The following STPG1 variants were observed in gnomAD, a reference collection of about 807,000 sequenced individuals.
STPG1 encodes sperm tail PG-rich repeat containing 1.
STPG1 carries 33 observed loss-of-function variants against 40.1 expected under a neutral mutation model. The observed-to-expected ratio is 0.82, with a 90% CI of 0.62 to 1.10. The LOEUF (loss-of-function observed/expected upper bound fraction) is 1.10. STPG1 is among the 50% of genes least tolerant of loss of function. The pLI is 0.00. For missense variants in STPG1, 396 were observed against 415.1 expected (o/e 0.95, Z 0.40); for synonymous variants, 150 against 155.0 (o/e 0.97, Z 0.24).
At chr1:24,382,994 C>T (rs888797516) in intron 4 of STPG1, among the ~76,000 whole-genome samples, 2 of 150,342 alleles carry the variant, frequency 1.3e-5, no homozygotes, top group African/African-American at 2.5e-5. Flanking sequence ...TCACTGCAGC[C>T]TCAACCTCCT....
intron 2 of STPG1, among the ~76,000 whole-genome samples, chr1:24,393,387 T>C (rs1642861546): frequency 6.6e-6 from 1 of 152,228 alleles, no homozygotes; most frequent in African/African-American, 2.4e-5. Flanking sequence ...TGTTTTTGGT[T>C]TGTTTGCTTT....
At chr1:24,402,972 ATTTTC>A (rs1643283959) in intron 1 of STPG1, among the ~76,000 whole-genome samples, 1 of 152,036 alleles carries the variant, frequency 6.6e-6, no homozygotes, top group South Asian at 2.1e-4. Context: ...ATTTGTCAAA[ATTTTC>A]TTTTAAGGTT....
Position 24,413,716 on chromosome 1 carries a change from C to T in STPG1, c.-111G>A, listed in dbSNP as rs1035981187. On this transcript the variant is annotated 5_prime_UTR_variant, in exon 1 of 9. Transcript: ENST00000337248. Reference sequence around the variant, plus strand: ...GCTGAATCTGGCCAGCCCAACCTCCCGGTCGCTATGGCACCCACAGGCCTA... The same window carrying T: ...GCTGAATCTGGCCAGCCCAACCTCCTGGTCGCTATGGCACCCACAGGCCTA... 26 of 152,302 alleles carry T rather than the reference C, an allele frequency of 1.7e-4. No homozygotes were observed. Among genetic ancestry groups the T allele is most frequent in the African/African-American group, 5.3e-4 (22 of 41,468 alleles). The allele number at this position is 152,302 out of a possible 1,614,324, so 9.4% of individuals were successfully genotyped here.
chr1:24,384,339 G>GTCAGT (rs1279521407), intron 3 of STPG1, among the ~76,000 whole-genome samples: 10 of 152,356 alleles, frequency 6.6e-5, no homozygotes, highest in African/African-American at 2.4e-4. Context: ...TGATGTGCAA[G>GTCAGT]TCAGTGTGCA....
intron 5 of STPG1, among the ~76,000 whole-genome samples, chr1:24,377,053 G>T (rs1642060146): frequency 6.6e-6 from 1 of 151,606 alleles, no homozygotes; most frequent in African/African-American, 2.4e-5. Flanking sequence ...GAGGTCAGGA[G>T]TTTGAGACAA....
chr1:24,408,642 G>A (rs551688787), intron 1 of STPG1, among the ~76,000 whole-genome samples: 1 of 152,316 alleles, frequency 6.6e-6, no homozygotes, highest in Non-Finnish European at 1.5e-5. Context: ...AGGGATTATT[G>A]TACTGTGCCT....
intron 1 of STPG1, among the ~76,000 whole-genome samples, chr1:24,409,580 G>C (rs1643536640): frequency 1.3e-5 from 2 of 152,190 alleles, no homozygotes; most frequent in Non-Finnish European, 2.9e-5. Flanking sequence ...ATGGTCAATT[G>C]TGGTTTGAAA....
At chr1:24,375,463 G>A (rs1232845549) in intron 5 of STPG1, among the ~76,000 whole-genome samples, 1 of 152,136 alleles carries the variant, frequency 6.6e-6, no homozygotes, top group Non-Finnish European at 1.5e-5. Context: ...GCTTTTCCCA[G>A]GGCCCTAATG....
In STPG1 at chr1:24,383,946, T is replaced by C; in HGVS notation, c.247A>G (p.Ser83Gly). 3 of 1,614,142 alleles carry C rather than the reference T, an allele frequency of 1.9e-6. No homozygotes were observed. The highest frequency in any genetic ancestry group is 2.2e-5 in the East Asian group (1 of 44,886). ...GTTCCTTTCTTGGACAATGAGACAC[T>C]GTTGGACACCGGTGACTGGTGAATA... ...NVIHQSPVSN[S>G]VSLSKKGTCM... is the part of the protein sequence containing the mutation. The change falls in exon 4 of 9, where the codon AGT (serine) becomes GGT (glycine). Residue 83 changes from serine to glycine, a missense_variant. Physicochemically the swap from Ser to Gly is moderately conservative, Grantham distance 56. Coordinates refer to ENST00000337248, the MANE Select transcript of STPG1 (RefSeq NM_001199013.2).
At chr1:24,407,443 A>ATT (rs71029547) in intron 1 of STPG1, among the ~76,000 whole-genome samples, 1,522 of 130,952 alleles carry the variant, frequency 0.012, 34 homozygotes, top group African/African-American at 0.038. Flanking sequence ...AAGTTCACTG[A>ATT]TTTTTTTTTT....
Position 24,393,565 on chromosome 1 carries a change from GA to G in STPG1, c.71-1887del, listed in dbSNP as rs202085771. The stretch of plus-strand genomic sequence containing the variant: ...GAAGGACATTCTCCTGGGGAAAGGA[GA>G]GGTTTCTGCCTGACTGGAAAGGAGA... On this transcript the variant is annotated intron_variant, in intron 2 of 8. Transcript: ENST00000337248. Among the ~76,000 whole-genome samples, 881 of 152,286 alleles carry G rather than the reference GA, an allele frequency of 5.8e-3. 11 individuals carry two copies. Among genetic ancestry groups the G allele is most frequent in the African/African-American group, 0.02 (816 of 41,544 alleles).
chr1:24,362,080 GC>G (rs1475324828), intron 7 of STPG1, among the ~76,000 whole-genome samples: 1 of 152,144 alleles, frequency 6.6e-6, no homozygotes, highest in Admixed American at 6.5e-5. Flanking sequence ...GCACTGAATG[GC>G]CAAGGGAGCC....
intron 5 of STPG1, among the ~76,000 whole-genome samples, chr1:24,374,226 G>T (rs1641895922): frequency 6.9e-6 from 1 of 145,390 alleles, no homozygotes. Flanking sequence ...GCCCAGCAGA[G>T]ATCACCGCTA....
At chr1:24,382,643 G>A (rs986238870) in intron 4 of STPG1, among the ~76,000 whole-genome samples, 1 of 152,192 alleles carries the variant, frequency 6.6e-6, no homozygotes, top group Admixed American at 6.5e-5. Flanking sequence ...GACCTACTGA[G>A]GCCATGTACA....
intron 5 of STPG1, among the ~76,000 whole-genome samples, chr1:24,374,403 T>C (rs908439655): frequency 1.0e-4 from 15 of 148,704 alleles, no homozygotes; most frequent in African/African-American, 3.7e-4. Context: ...GGACTATAGG[T>C]GCCTACCACC....
chr1:24,385,352 G>A lies in STPG1; in HGVS notation c.190-1349C>T, dbSNP rs143754732. ...TAGGTGAGAATGATCCCCGGTGGAC[G>A]GAAGAGGAACTGACTGCCATGGAGA... On this transcript the variant is annotated intron_variant, in intron 3 of 8. Transcript: ENST00000337248. 9.7e-4 allele frequency among the ~76,000 whole-genome samples: 148 copies of A among 152,314 alleles called. 2 individuals are homozygous for A. Among genetic ancestry groups the A allele is most frequent in the Admixed American group, 2.6e-4 (4 of 15,308 alleles).
intron 8 of STPG1, among the ~76,000 whole-genome samples, chr1:24,360,192 C>T (rs368003141): frequency 8.5e-5 from 13 of 152,220 alleles, no homozygotes; most frequent in East Asian, 7.7e-4. Context: ...CGCCTGTAAT[C>T]CCAGCACTCT....
At chr1:24,368,872 T>C (rs574780266) in intron 7 of STPG1, 1 of 157,852 alleles carries the variant, frequency 6.3e-6, no homozygotes, top group East Asian at 1.9e-4. Context: ...GCCTGGATAA[T>C]TTTTGTATTT....
intron 1 of STPG1, among the ~76,000 whole-genome samples, chr1:24,411,166 G>C (rs1259627686): frequency 6.6e-6 from 1 of 152,210 alleles, no homozygotes; most frequent in Non-Finnish European, 1.5e-5. Flanking sequence ...AGCCTGCACA[G>C]TCCTAAATGC....
Sources: allele counts gnomAD v4.1 joint callset (sites outside exome capture counted in the v4.1 genomes callset), GRCh38; gene constraint gnomAD v4.1.1; transcripts MANE v1.5; gene names NCBI Gene and HGNC (gene_info 2026-07-23, HGNC 2026-07-21).